The following SRSF11 variants were observed in gnomAD, a reference collection of about 807,000 sequenced individuals.
SRSF11 encodes the protein serine/arginine-rich splicing factor 11.
In SRSF11, 9 loss-of-function variants were observed where a neutral mutation model predicts 56.0. The ratio of observed to expected loss-of-function variants is 0.16; its 90% CI spans 0.10 to 0.28. The LOEUF is 0.28. Ranked by LOEUF, SRSF11 falls within the 10% of genes least tolerant of loss-of-function variation. The pLI is 1.00. For missense variants in SRSF11, 421 were observed against 600.7 expected (o/e 0.70, Z 3.13); for synonymous variants, 222 against 215.3 (o/e 1.03, Z -0.27).
intron 1 of SRSF11, among the ~76,000 whole-genome samples, chr1:70,209,473 T>C (rs1179541489): frequency 6.6e-6 from 1 of 152,246 alleles, no homozygotes; most frequent in Non-Finnish European, 1.5e-5. Context: ...TGCTATCTTA[T>C]GGTAAAAGTT....
chr1:70,228,804 C>G, intron 2 of SRSF11: 1 of 1,142,524 alleles, frequency 8.8e-7, no homozygotes, highest in South Asian at 3.2e-5. Flanking sequence ...AAAACCATGT[C>G]CCTTATTGTA....
At chr1:70,247,170 T>C in intron 9 of SRSF11, 3 of 937,284 alleles carry the variant, frequency 3.2e-6, no homozygotes, top group South Asian at 4.5e-5. Context: ...CTCTTTATAG[T>C]TTAAGTTTTA....
In SRSF11 at chr1:70,228,488, T is replaced by G; in HGVS notation, c.270T>G (p.Val90=). Residue 90 remains valine, a synonymous_variant, in exon 2 of 12, where the codon GTT becomes GTG. Coordinates refer to ENST00000370949, the MANE Select transcript of SRSF11 (RefSeq NM_001350605.2). The part of the protein sequence containing the change: ...FVKFHDPDSA[V]VAQHLTNTVF... ...AGTTCCATGATCCAGACTCAGCAGT[T>G]GTGGCACAGCATCTGACAAACACTG... 5 of 1,613,910 alleles carry G rather than the reference T, an allele frequency of 3.1e-6. No homozygotes were observed. The highest frequency in any genetic ancestry group is 4.2e-6 in the Non-Finnish European group (5 of 1,179,860).
intron 9 of SRSF11, chr1:70,248,537 A>T (rs2101016755): frequency 6.6e-6 from 1 of 152,286 alleles, no homozygotes; most frequent in Admixed American, 6.5e-5. Flanking sequence ...CTAAATTTTT[A>T]AGCATGAAAA....
intron 2 of SRSF11, chr1:70,228,833 A>G (rs1395184500): frequency 3.6e-6 from 4 of 1,099,444 alleles, no homozygotes; most frequent in East Asian, 1.2e-4. Context: ...AGATACATCT[A>G]CTTAGTTAAT....
At chr1:70,250,191 C>G in intron 10 of SRSF11, 144 bp downstream of exon 10, 1 of 1,256,298 alleles carries the variant, frequency 8.0e-7, no homozygotes, top group Non-Finnish European at 1.1e-6. Context: ...GACTTAAACA[C>G]CATTAAGGAC....
Position 70,221,762 on chromosome 1 carries a change from G to A in SRSF11, c.126G>A (p.Pro42=), listed in dbSNP as rs745454106. The A allele has an allele frequency of 2.0e-5, 32 of 1,614,008 alleles. No individual in the cohort carries two copies. The highest frequency in any genetic ancestry group is 2.6e-5 in the Non-Finnish European group (31 of 1,180,030). The part of the protein sequence containing the change: ...TEVIQVTNVS[P]SASSEQMRTL... ...TAATCCAGGTGACTAATGTCTCCCC[G>A]AGCGCTAGCTCTGAGCAGATGCGGA... The change falls in exon 1 of 12, where the codon CCG becomes CCA. Residue 42 remains proline (P), a synonymous_variant. Transcript: ENST00000370949.
intron 2 of SRSF11, chr1:70,231,071 CT>C: frequency 2.3e-6 from 3 of 1,289,286 alleles, no homozygotes; most frequent in Non-Finnish European, 3.0e-6. Flanking sequence ...AGTGGTTTTT[CT>C]TTTTTGTTGT....
intron 7 of SRSF11, among the ~76,000 whole-genome samples, chr1:70,244,469 T>G (rs1676281324): frequency 6.6e-6 from 1 of 152,172 alleles, no homozygotes; most frequent in East Asian, 1.9e-4. Context: ...AGCAAATCAT[T>G]AAAAGGTGAG....
At chr1:70,246,777 T>C in intron 8 of SRSF11, 41 bp from the exon 9 acceptor site, 1 of 1,364,956 alleles carries the variant, frequency 7.3e-7, no homozygotes, top group Non-Finnish European at 1.0e-6. Context: ...TGGCATCAGC[T>C]GAGTCTTCTA....
intron 4 of SRSF11, 132 bp from the exon 5 acceptor site, chr1:70,235,369 G>A (rs1673736440): frequency 1.4e-6 from 1 of 696,496 alleles, no homozygotes; most frequent in Non-Finnish European, 2.3e-6. Flanking sequence ...CTTTTTTAAT[G>A]TGGCTACTAA....
At chr1:70,249,900 T>A (rs1380950939) in intron 9 of SRSF11, 52 bp from the exon 10 acceptor site, 1 of 1,573,590 alleles carries the variant, frequency 6.4e-7, no homozygotes, top group East Asian at 2.2e-5. Context: ...GTGTCTGCAT[T>A]TTTAAGATCA....
chr1:70,212,446 G>A (rs1228127771), intron 1 of SRSF11, among the ~76,000 whole-genome samples: 1 of 152,034 alleles, frequency 6.6e-6, no homozygotes, highest in Non-Finnish European at 1.5e-5. Context: ...TAGTAGAGAT[G>A]GGGTTTTGCC....
rs191140744 is a variant in SRSF11, at chr1:70,239,973, A to C, written c.800+453A>C. Among the ~76,000 whole-genome samples the C allele has an allele frequency of 5.3e-4, 81 of 152,346 alleles. 1 individual carries two copies. In the East Asian group the frequency reaches 0.015, roughly 28 times the overall value. Reference sequence around the variant, plus strand: ...GATTTTTATCATTGGCAACAGATTCATCTATTTTCCTTATATAATAGACTT... The same window carrying C: ...GATTTTTATCATTGGCAACAGATTCCTCTATTTTCCTTATATAATAGACTT... On this transcript the variant is annotated intron_variant, in intron 7 of 11. Coordinates refer to ENST00000370949, the MANE Select transcript of SRSF11 (RefSeq NM_001350605.2).
chr1:70,231,593 C>A, intron 2 of SRSF11: 1 of 1,127,896 alleles, frequency 8.9e-7, no homozygotes, highest in Admixed American at 4.2e-5. Flanking sequence ...GTTGTTTTAC[C>A]TATCTCTCTT....
At chr1:70,221,012 G>A (rs968017856), upstream of SRSF11, 3 of 152,172 alleles carry the variant, frequency 2.0e-5, no homozygotes, top group Admixed American at 6.6e-5. Flanking sequence ...TTTTATACTG[G>A]TGGTGGTGGG....
At position 70,229,735 on chromosome 1, in the gene SRSF11, A is replaced by T. The variant is rs1672500086; in HGVS notation, c.337+1180A>T. ...TGTGAGCATTTACACCATACCTTGT[A>T]AAAGTTGTGAAATGTCTAGTCCTTA... On this transcript the variant is annotated intron_variant, in intron 2 of 11. Coordinates refer to ENST00000370949, the MANE Select transcript of SRSF11 (RefSeq NM_001350605.2). 1.4e-5 allele frequency: 14 copies of T among 984,274 alleles called. No individual in the cohort carries two copies. The South Asian group carries it at 5.6e-4, about 40-fold the overall frequency. The allele number at this position is 984,274 out of a possible 1,614,324, so 61.0% of individuals were successfully genotyped here.
At chr1:70,231,800 A>G in intron 2 of SRSF11, 11 of 1,361,840 alleles carry the variant, frequency 8.1e-6, no homozygotes, top group African/African-American at 1.4e-5. Context: ...CCATATTATT[A>G]ACCCCTAAAT....
At chr1:70,234,457 C>T (rs546589559) in intron 3 of SRSF11, among the ~76,000 whole-genome samples, 2 of 152,096 alleles carry the variant, frequency 1.3e-5, no homozygotes, top group South Asian at 4.1e-4. Context: ...GAGCAAGACT[C>T]CTATTTCTGT....
Sources: allele counts gnomAD v4.1 joint callset (sites outside exome capture counted in the v4.1 genomes callset), GRCh38; gene constraint gnomAD v4.1.1; transcripts MANE v1.5; gene names NCBI Gene and HGNC (gene_info 2026-07-23, HGNC 2026-07-21).